MTSS1: variants seen among roughly 807,000 people sequenced by gnomAD.
MTSS1 encodes MTSS I-BAR domain containing 1.
A neutral mutation model predicts 79.0 loss-of-function variants in MTSS1; 18 were observed. The observed-to-expected ratio is 0.23, with a 90% confidence interval of 0.16 to 0.34. MTSS1 has a LOEUF of 0.34. Ranked by LOEUF, MTSS1 falls within the 10% of genes least tolerant of loss-of-function variation. MTSS1 has a pLI of 1.00. For missense variants in MTSS1, 815 were observed against 986.2 expected, an observed-to-expected ratio of 0.83 and a Z score of 2.33; for synonymous variants, 341 against 368.6, an observed-to-expected ratio of 0.93 and a Z score of 0.86.
chr8:124,666,381 G>A (rs1039890691), intron 3 of MTSS1, among the ~76,000 whole-genome samples: 7 of 152,246 alleles, frequency 4.6e-5, no homozygotes, highest in Admixed American at 2.0e-4. Flanking sequence ...GTAATGTGCT[G>A]TACAAGCACG....
intron 3 of MTSS1, among the ~76,000 whole-genome samples, chr8:124,663,146 C>G (rs1822397962): frequency 6.6e-6 from 1 of 152,200 alleles, no homozygotes; most frequent in Admixed American, 6.5e-5. Context: ...CACTCAGACA[C>G]CTGCACACGT....
chr8:124,625,141 A>C lies in MTSS1; in HGVS notation c.209-33906T>G, dbSNP rs551334753. 1.5e-4 allele frequency among the ~76,000 whole-genome samples: 23 copies of C among 152,196 alleles called. No homozygotes were observed. The East Asian group carries it at 1.7e-3, about 12-fold the overall frequency. ...TGAATGAGAAGGCATTGTGCAAATG[A>C]TTGTCATCCTCGTCTGCCAGGATCA... On this transcript the variant is annotated intron_variant, in intron 3 of 13. Coordinates refer to ENST00000518547, the MANE Select transcript of MTSS1 (RefSeq NM_014751.6).
intron 3 of MTSS1, among the ~76,000 whole-genome samples, chr8:124,601,203 G>A (rs1426007538): frequency 3.3e-5 from 5 of 151,514 alleles, no homozygotes. Flanking sequence ...TGAGATTATA[G>A]GCGCCCACCA....
At chr8:124,699,735 C>T in intron 2 of MTSS1, 136 bp from the exon 3 acceptor site, 1 of 772,730 alleles carries the variant, frequency 1.3e-6, no homozygotes, top group Non-Finnish European at 2.1e-6. Context: ...CATGGACAAC[C>T]ACTGTCTTGC....
At chr8:124,624,766 G>A (rs1266680787) in intron 3 of MTSS1, among the ~76,000 whole-genome samples, 1 of 152,216 alleles carries the variant, frequency 6.6e-6, no homozygotes, top group Non-Finnish European at 1.5e-5. Flanking sequence ...CTGGAAATGC[G>A]AAACTGAAGC....
intron 3 of MTSS1, among the ~76,000 whole-genome samples, chr8:124,624,077 C>T (rs1459944488): frequency 6.6e-6 from 1 of 152,208 alleles, no homozygotes; most frequent in East Asian, 1.9e-4. Context: ...TGTGCTGTTA[C>T]ACCAGCTTAA....
intron 10 of MTSS1, among the ~76,000 whole-genome samples, chr8:124,562,049 C>A (rs1256076234): frequency 1.3e-5 from 2 of 152,148 alleles, no homozygotes; most frequent in African/African-American, 4.8e-5. Context: ...GTATGTAGAG[C>A]TACTTGCCAA....
At chr8:124,667,935 T>C (rs974585890) in intron 3 of MTSS1, among the ~76,000 whole-genome samples, 2 of 151,820 alleles carry the variant, frequency 1.3e-5, no homozygotes, top group Admixed American at 6.6e-5. Context: ...TAGCCAGACA[T>C]GGTGGTGTGG....
chr8:124,631,765 C>T (rs1815999705), intron 3 of MTSS1, among the ~76,000 whole-genome samples: 1 of 152,224 alleles, frequency 6.6e-6, no homozygotes, highest in South Asian at 2.1e-4. Flanking sequence ...CGGGTCTGAT[C>T]CCATTGTGCC....
In MTSS1 at chr8:124,686,693, C is replaced by T. The variant is rs988871363; in HGVS notation, c.208+12833G>A. On this transcript the variant is annotated intron_variant, in intron 3 of 13. Transcript: ENST00000518547. ...TTCACAACTGAGAGGGTGTAGAGGCCGAGAACGCTGCTAACCAACCTACAA... is the reference window on the plus strand; with the variant it reads ...TTCACAACTGAGAGGGTGTAGAGGCTGAGAACGCTGCTAACCAACCTACAA... Among the ~76,000 whole-genome samples, 20 of 152,182 alleles carry T rather than the reference C, an allele frequency of 1.3e-4. No individual in the cohort carries two copies. In the East Asian group the frequency reaches 1.9e-3, roughly 15 times the overall value.
At position 124,727,705 on chromosome 8, in the gene MTSS1, C is replaced by T. The variant is rs1267169703; in HGVS notation, c.72+179G>A. On this transcript the variant is annotated intron_variant, in intron 1 of 13. Coordinates refer to ENST00000518547, the MANE Select transcript of MTSS1 (RefSeq NM_014751.6). The surrounding 1 kb of genome is among the most constrained non-coding windows in gnomAD (Gnocchi z 4.7). The stretch of plus-strand genomic sequence containing the variant: ...AGAGAAGCCACCCGCCCAGTGACCC[C>T]GCAGAGCCCGGAGCAGCGCCCCGGG... 5 of 676,890 alleles carry T rather than the reference C, an allele frequency of 7.4e-6. No homozygotes were observed. Among genetic ancestry groups the T allele is most frequent in the Non-Finnish European group, 1.3e-5 (5 of 373,656 alleles). 41.9% of individuals were successfully genotyped at this position (676,890 alleles called of 1,614,324 possible).
In MTSS1 at chr8:124,552,882, T is replaced by C. The variant is rs370202626; in HGVS notation, c.*110A>G. 2.7e-6 allele frequency: 3 copies of C among 1,095,268 alleles called. No homozygotes were observed. Among genetic ancestry groups the C allele is most frequent in the South Asian group, 1.6e-5 (1 of 62,602 alleles). 67.8% of individuals were successfully genotyped at this position (1,095,268 alleles called of 1,614,324 possible). ...TCGAGTACTTTCAAAAGAGCTATAT[T>C]CCGAGTTGCCTACAAAATCTTTTGT... On this transcript the variant is annotated 3_prime_UTR_variant, in exon 14 of 14. Transcript: ENST00000518547.
At chr8:124,576,598 CAA>C (rs1034936528) in intron 6 of MTSS1, among the ~76,000 whole-genome samples, 4 of 152,154 alleles carry the variant, frequency 2.6e-5, no homozygotes, top group African/African-American at 9.7e-5. Flanking sequence ...AATGAAAGAA[CAA>C]ACTAATAAAT....
rs2131627659 is a variant in MTSS1, at chr8:124,550,902, G to GA, written c.*2089dup. Reference sequence around the variant, plus strand: ...AGTTTAGAACAAAAAACTGCACAGGGAGAGGTCAACTCTCAGTACAAACTA... The same window carrying GA: ...AGTTTAGAACAAAAAACTGCACAGGGAAGAGGTCAACTCTCAGTACAAACTA... On this transcript the variant is annotated 3_prime_UTR_variant, in exon 14 of 14. Coordinates refer to ENST00000518547, the MANE Select transcript of MTSS1 (RefSeq NM_014751.6). 1 of 152,724 alleles carries GA rather than the reference G, an allele frequency of 6.5e-6. No homozygotes were observed. Among genetic ancestry groups the GA allele is most frequent in the Admixed American group, 6.5e-5 (1 of 15,298 alleles). The allele number at this position is 152,724 out of a possible 1,614,324, so 9.5% of individuals were successfully genotyped here.
chr8:124,659,636 T>C (rs1821625717), intron 3 of MTSS1, among the ~76,000 whole-genome samples: 3 of 152,186 alleles, frequency 2.0e-5, no homozygotes, highest in Admixed American at 2.0e-4. Flanking sequence ...AATTTTAAAG[T>C]CCTCAGAAAT....
chr8:124,572,371 A>T (rs775547027), intron 6 of MTSS1, among the ~76,000 whole-genome samples: 4 of 70,734 alleles, frequency 5.7e-5, no homozygotes, highest in African/African-American at 1.7e-4. Flanking sequence ...TTATATTTAT[A>T]AAAAAAAACT....
At chr8:124,671,961 A>C (rs183813188) in intron 3 of MTSS1, among the ~76,000 whole-genome samples, 1 of 152,336 alleles carries the variant, frequency 6.6e-6, no homozygotes, top group Admixed American at 6.5e-5. Flanking sequence ...GCAACTCACA[A>C]ACTCACATAA....
chr8:124,622,792 T>C (rs114259970), intron 3 of MTSS1, among the ~76,000 whole-genome samples: 1 of 68,362 alleles, frequency 1.5e-5, no homozygotes, highest in Admixed American at 1.6e-4. Context: ...GGAGTCCATC[T>C]CAAAAAAAAA....
chr8:124,677,926 T>C (rs1282445648), intron 3 of MTSS1, among the ~76,000 whole-genome samples: 1 of 152,208 alleles, frequency 6.6e-6, no homozygotes, highest in Non-Finnish European at 1.5e-5. Context: ...AATTCAAGCA[T>C]AGTTACTCCT....
Sources: allele counts gnomAD v4.1 joint callset (sites outside exome capture counted in the v4.1 genomes callset), GRCh38; gene constraint gnomAD v4.1.1; non-coding constraint Gnocchi (gnomAD v3.1); transcripts MANE v1.5; gene names NCBI Gene and HGNC (gene_info 2026-07-23, HGNC 2026-07-21).